Variants in SYTL5 observed in about 807,000 individuals in gnomAD.
SYTL5 encodes the protein synaptotagmin-like protein 5.
A neutral mutation model predicts 55.9 loss-of-function variants in SYTL5; 34 were observed. The ratio of observed to expected loss-of-function variants is 0.61; its 90% CI spans 0.46 to 0.81. The LOEUF (loss-of-function observed/expected upper bound fraction) is 0.81. Ranked by LOEUF, SYTL5 falls within the 30% of genes least tolerant of loss-of-function variation. The probability of loss-of-function intolerance (pLI) is 0.00; values close to 1 mark genes in which losing one functional copy is unlikely to be tolerated. For synonymous variants in SYTL5, 221 were observed against 188.7 expected (o/e 1.17, Z -1.40); for missense variants, 637 against 546.7 (o/e 1.17, Z -1.65).
chrX:38,063,986 G>C (rs1023926243), intron 3 of SYTL5, among the ~76,000 whole-genome samples: 1 of 110,543 alleles, frequency 9.0e-6, no homozygotes, highest in African/African-American at 3.3e-5. Context: ...TTTAATCTGT[G>C]GATCATGACC....
At chrX:37,909,176 G>A in the SYTL5 span, among the ~76,000 whole-genome samples, 4 of 111,544 alleles carry the variant, frequency 3.6e-5, no homozygotes, top group African/African-American at 1.3e-4. Flanking sequence ...TTAAAAAGTT[G>A]AAGCATGAAA....
At chrX:38,035,741 A>G (rs1344144455) in intron 2 of SYTL5, among the ~76,000 whole-genome samples, 1 of 105,801 alleles carries the variant, frequency 9.5e-6, no homozygotes, top group East Asian at 3.0e-4. Flanking sequence ...CTAAAAATAC[A>G]AAAATTAGCA....
chrX:38,054,191 T>A, intron 2 of SYTL5, 22 bp from the exon 3 acceptor site: 1 of 1,159,233 alleles, frequency 8.6e-7, no homozygotes, highest in Non-Finnish European at 1.2e-6. Flanking sequence ...TTTAAGTGAT[T>A]TTTTTTCCCC....
the SYTL5 span, among the ~76,000 whole-genome samples, chrX:37,982,847 A>G: frequency 9.0e-6 from 1 of 111,307 alleles, no homozygotes; most frequent in East Asian, 2.8e-4. Context: ...TAAAATATAT[A>G]AAATAATAAT....
chrX:37,990,069 A>G, the SYTL5 span, among the ~76,000 whole-genome samples: 2 of 109,924 alleles, frequency 1.8e-5, no homozygotes, highest in East Asian at 5.7e-4. Context: ...TATTTTTAGT[A>G]GAGACGGGGT....
At chrX:37,939,416 C>T in the SYTL5 span, among the ~76,000 whole-genome samples, 1 of 112,184 alleles carries the variant, frequency 8.9e-6, no homozygotes, top group African/African-American at 3.2e-5. Flanking sequence ...TTCTATCCTT[C>T]CTCTGCTGTG....
At chrX:38,121,986 T>C (rs1937575854) in intron 14 of SYTL5, 94 bp from the exon 15 acceptor site, 1 of 843,999 alleles carries the variant, frequency 1.2e-6, no homozygotes, top group East Asian at 3.5e-5. Context: ...TATATGTTTG[T>C]AGATGATCTT....
At chrX:38,116,439 G>A (rs752538990) in intron 13 of SYTL5, among the ~76,000 whole-genome samples, 14 of 112,074 alleles carry the variant, frequency 1.2e-4, no homozygotes, top group East Asian at 2.8e-4. Flanking sequence ...TTTGAATTTC[G>A]TTCAGTAAGT....
the SYTL5 span, among the ~76,000 whole-genome samples, chrX:37,974,020 G>A: frequency 1.8e-5 from 2 of 111,602 alleles, no homozygotes; most frequent in African/African-American, 6.5e-5. Flanking sequence ...TAGAAACAGA[G>A]TAAAATGGTA....
At chrX:38,100,031 C>G (rs1192750192) in intron 9 of SYTL5, among the ~76,000 whole-genome samples, 2 of 111,015 alleles carry the variant, frequency 1.8e-5, no homozygotes, top group African/African-American at 6.5e-5. Context: ...TGCAATTTTC[C>G]CTTTTTTTGG....
intron 9 of SYTL5, 28 bp from the exon 10 acceptor site, chrX:38,102,314 C>G: frequency 9.8e-7 from 1 of 1,019,517 alleles, no homozygotes; most frequent in Non-Finnish European, 1.4e-6. Context: ...AATCAACCAA[C>G]CCACTGATTT....
Position 38,048,192 on chromosome X carries a change from A to G in SYTL5, c.120-6021A>G, listed in dbSNP as rs59050036. Reference sequence around the variant, plus strand: ...CAGAGTGCAACTCCATCTCAAAAACAAAAAAAAAATAACAAGAGTCACCTT... The same window carrying G: ...CAGAGTGCAACTCCATCTCAAAAACGAAAAAAAAATAACAAGAGTCACCTT... On this transcript the variant is annotated intron_variant, in intron 2 of 16. Transcript: ENST00000297875. Among the ~76,000 whole-genome samples, 987 of 99,434 alleles carry G rather than the reference A, an allele frequency of 9.9e-3. 13 individuals carry two copies. The highest frequency in any genetic ancestry group is 0.033 in the African/African-American group (952 of 28,704). 86.3% of individuals were successfully genotyped at this position (99,434 alleles called of 115,157 possible).
chrX:38,046,618 C>T (rs1267316806), intron 2 of SYTL5, among the ~76,000 whole-genome samples: 1 of 111,495 alleles, frequency 9.0e-6, no homozygotes, highest in Non-Finnish European at 1.9e-5. Flanking sequence ...TATCATTCTG[C>T]CTCTTGCCCT....
the SYTL5 span, among the ~76,000 whole-genome samples, chrX:37,960,066 G>A: frequency 1.3e-4 from 15 of 111,645 alleles, no homozygotes; most frequent in East Asian, 4.2e-3. Context: ...AGAATGCAAG[G>A]AACAGAGACC....
At chrX:37,983,485 G>A in the SYTL5 span, among the ~76,000 whole-genome samples, 3 of 112,209 alleles carry the variant, frequency 2.7e-5, no homozygotes, top group Admixed American at 2.8e-4. Context: ...AAGATATAAC[G>A]ATAATGATCA....
the SYTL5 span, among the ~76,000 whole-genome samples, chrX:37,949,904 G>A: frequency 1.0e-3 from 113 of 111,967 alleles, no homozygotes; most frequent in Non-Finnish European, 1.7e-3. Flanking sequence ...CATATAGACA[G>A]TGGTTTGAAT....
intron 15 of SYTL5, among the ~76,000 whole-genome samples, chrX:38,125,004 T>C (rs2147729223): frequency 8.9e-6 from 1 of 111,798 alleles, no homozygotes; most frequent in East Asian, 2.8e-4. Flanking sequence ...TGGCTGCAAG[T>C]CAGCTCCAAG....
At chrX:37,938,823 A>G in the SYTL5 span, among the ~76,000 whole-genome samples, 1 of 112,225 alleles carries the variant, frequency 8.9e-6, no homozygotes, top group Non-Finnish European at 1.9e-5. Context: ...CTTACTGTGA[A>G]ATACTAAGAC....
chrX:37,941,419 A>T, the SYTL5 span, among the ~76,000 whole-genome samples: 2 of 111,856 alleles, frequency 1.8e-5, no homozygotes, highest in Admixed American at 1.9e-4. Flanking sequence ...TAGATCTTTA[A>T]CATATGAAGT....
Sources: allele counts gnomAD v4.1 joint callset (sites outside exome capture counted in the v4.1 genomes callset), GRCh38; gene constraint gnomAD v4.1.1; transcripts MANE v1.5; gene names NCBI Gene and HGNC (gene_info 2026-07-23, HGNC 2026-07-21).